Variants in WDR25 observed in about 807,000 individuals in gnomAD.
WDR25 encodes the protein WD repeat-containing protein 25.
WDR25 carries 35 observed loss-of-function variants against 47.7 expected under a neutral mutation model. That is an observed-to-expected ratio of 0.73 (90% CI 0.56 to 0.97). The LOEUF (loss-of-function observed/expected upper bound fraction) is 0.97. WDR25 is among the 50% of genes least tolerant of loss of function. WDR25 has a pLI of 0.00. For missense variants in WDR25, 634 were observed against 704.7 expected (o/e 0.90, Z 1.14); for synonymous variants, 248 against 278.9 (o/e 0.89, Z 1.10).
At chr14:100,382,166 C>G in intron 2 of WDR25, 2 of 702,832 alleles carry the variant, frequency 2.8e-6, no homozygotes, top group Non-Finnish European at 5.2e-6. Context: ...GTAGACCCAG[C>G]CCCTGGTGTC....
At chr14:100,406,161 T>A (rs1157857265) in intron 2 of WDR25, among the ~76,000 whole-genome samples, 1 of 152,000 alleles carries the variant, frequency 6.6e-6, no homozygotes, top group Non-Finnish European at 1.5e-5. Flanking sequence ...GAAGGGAGGG[T>A]TAAAGCCTTC....
rs1457623889 is a variant in WDR25, at chr14:100,529,260, C to T, written c.1413+52C>T. ...AATGCTGAGCCCCAGCCCCAAGCCT[C>T]CTGGCAGTCCTGGACATGGGCCCTG... On this transcript the variant is annotated intron_variant, in intron 6 of 6. Coordinates refer to ENST00000402312, the MANE Select transcript of WDR25 (RefSeq NM_001161476.3). The surrounding 1 kb of genome is among the most constrained non-coding windows in gnomAD (Gnocchi z 5.1). 1 of 1,608,298 alleles carries T rather than the reference C, an allele frequency of 6.2e-7. No homozygotes were observed. Among genetic ancestry groups the T allele is most frequent in the South Asian group, 1.1e-5 (1 of 90,980 alleles).
In WDR25 at chr14:100,529,730, C is replaced by T. The variant is rs1180221293; in HGVS notation, c.1414-90C>T. The T allele has an allele frequency of 6.4e-6, 9 of 1,415,652 alleles. No individual in the cohort carries two copies. The highest frequency in any genetic ancestry group is 2.7e-5 in the South Asian group (2 of 75,400). The allele number at this position is 1,415,652 out of a possible 1,614,324, so 87.7% of individuals were successfully genotyped here. On this transcript the variant is annotated intron_variant, in intron 6 of 6. Transcript: ENST00000402312. This position sits in a 1 kb window ranked among gnomAD's most constrained non-coding sequence, Gnocchi z 5.1. ...GAAGCCCAGCTCTGCTCCGTCAGCT[C>T]GGGGCTTCAGCCTGCTCCTCTGTAG...
chr14:100,472,809 G>A (rs1899887560), intron 3 of WDR25, among the ~76,000 whole-genome samples: 2 of 152,202 alleles, frequency 1.3e-5, no homozygotes, highest in African/African-American at 4.8e-5. Context: ...TCTCGAGTGG[G>A]TATACAGACC....
At chr14:100,481,161 C>T in intron 3 of WDR25, 1 of 448,060 alleles carries the variant, frequency 2.2e-6, no homozygotes, top group South Asian at 1.7e-5. Flanking sequence ...GGAAAACAGG[C>T]CAAAGTGGTT....
intron 4 of WDR25, among the ~76,000 whole-genome samples, chr14:100,515,383 G>T (rs74081520): frequency 0.12 from 18,904 of 151,942 alleles, 3,778 homozygotes; most frequent in African/African-American, 0.42. Flanking sequence ...CATATTCAGG[G>T]TTTTTGGATT....
At chr14:100,466,159 G>A (rs1899622036) in intron 2 of WDR25, among the ~76,000 whole-genome samples, 1 of 152,142 alleles carries the variant, frequency 6.6e-6, no homozygotes, top group Admixed American at 6.5e-5. Flanking sequence ...TTCTGGCTGT[G>A]TCGTGTTTCT....
chr14:100,495,035 A>G (rs1477439060), intron 4 of WDR25, among the ~76,000 whole-genome samples: 1 of 152,218 alleles, frequency 6.6e-6, no homozygotes, highest in African/African-American at 2.4e-5. Context: ...AAATACATAA[A>G]AGAAGAACAG....
Position 100,502,258 on chromosome 14 carries a change from G to T in WDR25, c.1101+18134G>T, listed in dbSNP as rs1460499720. Among the ~76,000 whole-genome samples the T allele has an allele frequency of 6.6e-6, 1 of 152,150 alleles. No individual in the cohort carries two copies. The highest frequency in any genetic ancestry group is 1.9e-4 in the East Asian group (1 of 5,182). On this transcript the variant is annotated intron_variant, in intron 4 of 6. Transcript: ENST00000402312. The surrounding 1 kb of genome is among the most constrained non-coding windows in gnomAD (Gnocchi z 4.5). ...CTGATGTCATCCACCTCTGTACATT[G>T]TCCGAGGGACAGTTTCATAACTTCC...
rs141347957 is a variant in WDR25, at chr14:100,457,244, C to T, written c.823-10777C>T. Among the ~76,000 whole-genome samples, 356 of 152,272 alleles carry T rather than the reference C, an allele frequency of 2.3e-3. 3 individuals are homozygous for T. The highest frequency in any genetic ancestry group is 8.1e-3 in the African/African-American group (337 of 41,556). On this transcript the variant is annotated intron_variant, in intron 2 of 6. Transcript: ENST00000402312. ...TGCTGGGATTACAGGCGTGAGCCACCGCACTTGGCCTGAAATTTCTTATAA... is the reference window on the plus strand; with the variant it reads ...TGCTGGGATTACAGGCGTGAGCCACTGCACTTGGCCTGAAATTTCTTATAA...
intron 2 of WDR25, among the ~76,000 whole-genome samples, chr14:100,412,979 A>C (rs1803570310): frequency 6.6e-6 from 1 of 151,992 alleles, no homozygotes; most frequent in Non-Finnish European, 1.5e-5. Flanking sequence ...ACAGGCACCC[A>C]CCACCAGGCC....
Position 100,506,221 on chromosome 14 carries a change from C to T in WDR25, c.1102-19649C>T, listed in dbSNP as rs181035958. 2.0e-5 allele frequency among the ~76,000 whole-genome samples: 3 copies of T among 152,260 alleles called. No individual in the cohort carries two copies. The highest frequency in any genetic ancestry group is 2.9e-5 in the Non-Finnish European group (2 of 68,014). Reference sequence around the variant, plus strand: ...TAGGAAAATGGTCTCCAACTTCATCCGTGTTGCTGCAAAGGACATGATTTC... The same window carrying T: ...TAGGAAAATGGTCTCCAACTTCATCTGTGTTGCTGCAAAGGACATGATTTC... On this transcript the variant is annotated intron_variant, in intron 4 of 6. Transcript: ENST00000402312. This position sits in a 1 kb window ranked among gnomAD's most constrained non-coding sequence, Gnocchi z 4.8.
chr14:100,515,800 T>G (rs934789655), intron 4 of WDR25, among the ~76,000 whole-genome samples: 10 of 150,006 alleles, frequency 6.7e-5, no homozygotes, highest in African/African-American at 2.4e-4. Flanking sequence ...TTTTTTTTTT[T>G]TTTTTTTTTG....
chr14:100,453,220 G>C (rs1395400762), intron 2 of WDR25, among the ~76,000 whole-genome samples: 1 of 152,202 alleles, frequency 6.6e-6, no homozygotes, highest in Non-Finnish European at 1.5e-5. Flanking sequence ...GCAGGACTAG[G>C]GCAGTGGGTT....
chr14:100,459,000 C>T (rs1205389717), intron 2 of WDR25, among the ~76,000 whole-genome samples: 1 of 152,054 alleles, frequency 6.6e-6, no homozygotes, highest in Admixed American at 6.5e-5. Flanking sequence ...AAAAGAAAAG[C>T]AAATTCAACC....
intron 2 of WDR25, among the ~76,000 whole-genome samples, chr14:100,394,009 A>G (rs1229669658): frequency 2.0e-5 from 3 of 152,002 alleles, no homozygotes; most frequent in Non-Finnish European, 4.4e-5. Flanking sequence ...TAATTATCTC[A>G]CAGGGCTGTG....
Position 100,381,531 on chromosome 14 carries a change from C to T in WDR25, c.607C>T (p.Pro203Ser). 1 of 1,613,722 alleles carries T rather than the reference C, an allele frequency of 6.2e-7. No individual in the cohort carries two copies. The change falls in exon 2 of 7, where the codon CCT becomes TCT. Residue 203 changes from proline (P) to serine (S), a missense_variant. Coordinates refer to ENST00000402312, the MANE Select transcript of WDR25 (RefSeq NM_001161476.3). ...TAAAGACGTGGAGCCACAGGGGCCC[C>T]CTGCAGGGCGTGCCCCAGCCCCTCT... ...KGKDVEPQGP[P>S]AGRAPAPLYV...
In WDR25 at chr14:100,526,182, C is replaced by T. The variant is rs1179753061; in HGVS notation, c.1272+142C>T. The T allele has an allele frequency of 2.7e-5, 28 of 1,048,402 alleles. No homozygotes were observed. The East Asian group carries it at 5.2e-4, about 19-fold the overall frequency. 64.9% of individuals were successfully genotyped at this position (1,048,402 alleles called of 1,614,324 possible). A position where few individuals can be genotyped will look rare whatever the true frequency, so the allele number is the denominator to read the frequency against. The stretch of plus-strand genomic sequence containing the variant: ...CTCCAGGATGAGGGTAGTCAGGTCT[C>T]AGCCTGCCGCACACATGGAGAGCTT... On this transcript the variant is annotated intron_variant, in intron 5 of 6. Transcript: ENST00000402312.
chr14:100,410,183 C>G (rs918166324), intron 2 of WDR25, among the ~76,000 whole-genome samples: 1 of 152,256 alleles, frequency 6.6e-6, no homozygotes, highest in South Asian at 2.1e-4. Flanking sequence ...AAAAAGCCAG[C>G]GCTCCCTTCG....
Sources: gnomAD v4.1 joint callset for allele counts (sites outside exome capture counted in the v4.1 genomes callset) on GRCh38, gnomAD v4.1.1 for gene constraint, Gnocchi (gnomAD v3.1) non-coding constraint, MANE v1.5 for transcripts, NCBI Gene and HGNC (gene_info 2026-07-23, HGNC 2026-07-21) for gene names.